ANKIB1: variants seen among roughly 807,000 people sequenced by gnomAD.
ANKIB1 encodes the protein ankyrin repeat and IBR domain containing 1.
A neutral mutation model predicts 122.1 loss-of-function variants in ANKIB1; 43 were observed. The ratio of observed to expected loss-of-function variants is 0.35; its 90% CI spans 0.28 to 0.45. The LOEUF is 0.45. Ranked by LOEUF, ANKIB1 falls within the 20% of genes least tolerant of loss-of-function variation. The probability of loss-of-function intolerance (pLI) is 1.00; values close to 1 mark genes in which losing one functional copy is unlikely to be tolerated. For missense variants in ANKIB1, 992 were observed against 1,329.5 expected, an observed-to-expected ratio of 0.75 and a Z score of 3.95; for synonymous variants, 390 against 442.0, an observed-to-expected ratio of 0.88 and a Z score of 1.48.
At chr7:92,391,673 T>C (rs1183361070) in intron 16 of ANKIB1, among the ~76,000 whole-genome samples, 3 of 152,156 alleles carry the variant, frequency 2.0e-5, no homozygotes, top group African/African-American at 2.4e-5. Flanking sequence ...TTGATAGTTA[T>C]AAACATCTTA....
At chr7:92,326,185 A>G (rs1332930930) in intron 4 of ANKIB1, among the ~76,000 whole-genome samples, 2 of 152,146 alleles carry the variant, frequency 1.3e-5, no homozygotes, top group African/African-American at 2.4e-5. Flanking sequence ...TTCCACTGTT[A>G]CCTATTGAAG....
chr7:92,313,654 T>A (rs1196985492), intron 3 of ANKIB1, among the ~76,000 whole-genome samples: 1 of 152,118 alleles, frequency 6.6e-6, no homozygotes, highest in African/African-American at 2.4e-5. Context: ...TGGGTAATAT[T>A]TCAGTTTAAG....
intron 1 of ANKIB1, among the ~76,000 whole-genome samples, chr7:92,286,533 G>A (rs2131908615): frequency 6.7e-6 from 1 of 150,196 alleles, no homozygotes; most frequent in African/African-American, 2.5e-5. Context: ...AGGCTGGAGT[G>A]CAGTGGCACG....
chr7:92,313,697 C>G (rs1013347559), intron 3 of ANKIB1, among the ~76,000 whole-genome samples: 6 of 152,110 alleles, frequency 3.9e-5, no homozygotes, highest in Non-Finnish European at 7.4e-5. Flanking sequence ...ATGTGGCTCT[C>G]AGACCTGCAG....
At chr7:92,249,877 C>T (rs545658209) in intron 1 of ANKIB1, among the ~76,000 whole-genome samples, 11 of 152,052 alleles carry the variant, frequency 7.2e-5, no homozygotes, top group Admixed American at 1.3e-4. Flanking sequence ...CCCCCACACG[C>T]GAATAAACTA....
At chr7:92,261,785 T>A (rs185820860) in intron 1 of ANKIB1, among the ~76,000 whole-genome samples, 2 of 152,216 alleles carry the variant, frequency 1.3e-5, no homozygotes, top group African/African-American at 4.8e-5. Flanking sequence ...ACTTGAATTT[T>A]ATGTGCTTGC....
intron 1 of ANKIB1, among the ~76,000 whole-genome samples, chr7:92,258,964 T>G (rs932309306): frequency 1.3e-5 from 2 of 151,338 alleles, no homozygotes; most frequent in Non-Finnish European, 2.9e-5. Context: ...TTTTGTTTTG[T>G]TTTTTTTGAG....
chr7:92,277,749 C>T (rs1286008387), intron 1 of ANKIB1, among the ~76,000 whole-genome samples: 1 of 151,944 alleles, frequency 6.6e-6, no homozygotes, highest in African/African-American at 2.4e-5. Context: ...GAGTTCAAGA[C>T]CAGCCTGGGC....
At position 92,397,861 on chromosome 7, in the gene ANKIB1, T is replaced by C; in HGVS notation, c.2532+2T>C. The stretch of plus-strand genomic sequence containing the variant: ...TCTGAAAACCAGGACTCTCTTCAGG[T>C]AGCCTTTCTGAACAGCCTCATTGCC... On this transcript the variant is annotated splice_donor_variant, in intron 19 of 19. Coordinates refer to ENST00000265742, the MANE Select transcript of ANKIB1 (RefSeq NM_019004.2). LOFTEE classifies it high-confidence loss of function. The C allele has an allele frequency of 6.2e-7, 1 of 1,606,976 alleles. No homozygotes were observed. Among genetic ancestry groups the C allele is most frequent in the Non-Finnish European group, 8.5e-7 (1 of 1,178,096 alleles).
chr7:92,259,288 A>G (rs1262609831), intron 1 of ANKIB1, among the ~76,000 whole-genome samples: 1 of 152,094 alleles, frequency 6.6e-6, no homozygotes, highest in African/African-American at 2.4e-5. Context: ...ACATGCCATA[A>G]TGTCCACGTG....
chr7:92,278,887 C>T (rs1801958768), intron 1 of ANKIB1, among the ~76,000 whole-genome samples: 1 of 152,176 alleles, frequency 6.6e-6, no homozygotes, highest in Non-Finnish European at 1.5e-5. Flanking sequence ...TCAGGTTTAT[C>T]AGTCTATTGT....
chr7:92,365,930 G>A (rs1804069161), intron 10 of ANKIB1, among the ~76,000 whole-genome samples: 1 of 149,652 alleles, frequency 6.7e-6, no homozygotes, highest in Admixed American at 6.8e-5. Flanking sequence ...CCGAGTAGCT[G>A]GGCTACAGGC....
At chr7:92,258,976 CAG>C (rs1357520985) in intron 1 of ANKIB1, among the ~76,000 whole-genome samples, 3 of 151,692 alleles carry the variant, frequency 2.0e-5, no homozygotes, top group Non-Finnish European at 2.9e-5. Context: ...TTTTTTGAGA[CAG>C]AGTCTCGTTT....
intron 11 of ANKIB1, among the ~76,000 whole-genome samples, chr7:92,381,578 G>A (rs932117831): frequency 6.6e-6 from 1 of 152,170 alleles, no homozygotes. Context: ...GAGAGTGGGG[G>A]CTAATATTCA....
chr7:92,270,436 T>C (rs1801762832), intron 1 of ANKIB1, among the ~76,000 whole-genome samples: 1 of 152,116 alleles, frequency 6.6e-6, no homozygotes, highest in African/African-American at 2.4e-5. Context: ...TACCATGACA[T>C]AGAGAAGCTG....
chr7:92,326,378 A>G (rs1803027927), intron 4 of ANKIB1, among the ~76,000 whole-genome samples: 1 of 152,196 alleles, frequency 6.6e-6, no homozygotes, highest in Non-Finnish European at 1.5e-5. Flanking sequence ...CTGGAGAATC[A>G]TGATTAAATT....
intron 1 of ANKIB1, among the ~76,000 whole-genome samples, chr7:92,261,344 G>A (rs867298694): frequency 9.3e-5 from 12 of 129,462 alleles, no homozygotes; most frequent in Middle Eastern, 5.0e-3. Flanking sequence ...GCGAGACTCC[G>A]TCTCAAAAAA....
In ANKIB1 at chr7:92,294,881, T is replaced by C. The variant is rs1802322177; in HGVS notation, c.-90-8T>C. On this transcript the variant is annotated splice_polypyrimidine_tract_variant and splice_region_variant and intron_variant, in intron 1 of 19. Transcript: ENST00000265742. ...ACAATCTAATTTGAATAACTTTTCC[T>C]TCATTAGAATGTGAAAGATGTTGCA... 2 of 811,006 alleles carry C rather than the reference T, an allele frequency of 2.5e-6. No individual in the cohort carries two copies. Among genetic ancestry groups the C allele is most frequent in the Admixed American group, 6.5e-5 (2 of 30,570 alleles). The allele number at this position is 811,006 out of a possible 1,614,324, so 50.2% of individuals were successfully genotyped here. A position where few individuals can be genotyped will look rare whatever the true frequency, so the allele number is the denominator to read the frequency against.
intron 18 of ANKIB1, 117 bp from the exon 19 acceptor site, chr7:92,397,606 C>T: frequency 9.2e-7 from 1 of 1,088,146 alleles, no homozygotes; most frequent in Non-Finnish European, 1.3e-6. Flanking sequence ...CATGTCAACA[C>T]AGGTTTTCCC....
Sources: allele counts gnomAD v4.1 joint callset (sites outside exome capture counted in the v4.1 genomes callset), GRCh38; gene constraint gnomAD v4.1.1; transcripts MANE v1.5; gene names NCBI Gene and HGNC (gene_info 2026-07-23, HGNC 2026-07-21).